Variants in COL1A1 observed in about 807,000 individuals in gnomAD.
COL1A1 encodes the protein collagen alpha-1(I) chain.
COL1A1 carries 21 observed loss-of-function variants against 195.7 expected under a neutral mutation model. The observed-to-expected ratio is 0.11, with a 90% CI of 0.08 to 0.15. The LOEUF (loss-of-function observed/expected upper bound fraction) is 0.15. Ranked by LOEUF, COL1A1 falls within the 10% of genes least tolerant of loss-of-function variation. The pLI is 1.00. For synonymous variants in COL1A1, 749 were observed against 747.3 expected (o/e 1.00, Z -0.04); for missense variants, 1,365 against 2,051.0 (o/e 0.67, Z 6.46).
chr17:50,197,136 C>A, intron 10 of COL1A1, 44 bp downstream of exon 10: 1 of 1,613,944 alleles, frequency 6.2e-7, no homozygotes, highest in Non-Finnish European at 8.5e-7. Context: ...TAAATGAAGC[C>A]CAAGTGCAGT....
Position 50,185,560 on chromosome 17 carries a change from TCC to T in COL1A1, c.4335_4336del (p.Asp1446ArgfsTer104), listed in dbSNP as rs1906423537. The T allele has an allele frequency of 6.2e-7, 1 of 1,613,340 alleles. No homozygotes were observed. The highest frequency in any genetic ancestry group is 1.7e-5 in the Admixed American group (1 of 59,926). ...GAATTCCTGGTCTGGGGCACCAACG[TCC>T]AAGGGGGCCACATCGATGATGGGCA... On this transcript the variant is annotated frameshift_variant, in exon 51 of 51. Transcript: ENST00000225964. LOFTEE classifies it high-confidence loss of function.
At position 50,190,719 on chromosome 17, in the gene COL1A1, G is replaced by A; in HGVS notation, c.2343+98C>T. 6.8e-7 allele frequency: 1 copy of A among 1,478,242 alleles called. No homozygotes were observed. Among genetic ancestry groups the A allele is most frequent in the Non-Finnish European group, 9.4e-7 (1 of 1,061,738 alleles). 91.6% of individuals were successfully genotyped at this position (1,478,242 alleles called of 1,614,324 possible). A position where few individuals can be genotyped will look rare whatever the true frequency, so the allele number is the denominator to read the frequency against. ...GTTCCCAGGTTGACAGCTCAGTTTG[G>A]CAGGACCTGCTCTCCCAACGCAACC... On this transcript the variant is annotated intron_variant, in intron 33 of 50. Transcript: ENST00000225964. This position sits in a 1 kb window ranked among gnomAD's most constrained non-coding sequence, Gnocchi z 4.7.
Position 50,186,934 on chromosome 17 carries a change from G to C in COL1A1, c.3532-12C>G. The C allele has an allele frequency of 6.2e-7, 1 of 1,613,650 alleles. No homozygotes were observed. Reference sequence around the variant, plus strand: ...GGGCCGGGGGGACCCTGCACAGAGAGGGAAGAGAGTGGGGATTACCGGCAT... The same window carrying C: ...GGGCCGGGGGGACCCTGCACAGAGACGGAAGAGAGTGGGGATTACCGGCAT... On this transcript the variant is annotated splice_polypyrimidine_tract_variant and intron_variant, in intron 47 of 50. Transcript: ENST00000225964. This position sits in a 1 kb window ranked among gnomAD's most constrained non-coding sequence, Gnocchi z 5.3.
chr17:50,186,987 T>G lies in COL1A1; in HGVS notation c.3531+28A>C, dbSNP rs751162540. 5 of 1,611,046 alleles carry G rather than the reference T, an allele frequency of 3.1e-6. No homozygotes were observed. Among genetic ancestry groups the G allele is most frequent in the Non-Finnish European group, 4.2e-6 (5 of 1,177,916 alleles). Reference sequence around the variant, plus strand: ...AAGTGCTTTGGGGGCTGGAGGGCCATGAGCAGAGGGGATGAGGGGCTACAT... The same window carrying G: ...AAGTGCTTTGGGGGCTGGAGGGCCAGGAGCAGAGGGGATGAGGGGCTACAT... On this transcript the variant is annotated intron_variant, in intron 47 of 50. Coordinates refer to ENST00000225964, the MANE Select transcript of COL1A1 (RefSeq NM_000088.4). This position sits in a 1 kb window ranked among gnomAD's most constrained non-coding sequence, Gnocchi z 5.3.
intron 50 of COL1A1, 56 bp from the exon 51 acceptor site, chr17:50,185,704 G>A: frequency 1.2e-6 from 2 of 1,612,088 alleles, no homozygotes; most frequent in South Asian, 1.1e-5. Flanking sequence ...GTGATGGAGA[G>A]AGGGCACTAT....
chr17:50,199,231 C>G lies in COL1A1; in HGVS notation c.466G>C (p.Gly156Arg), dbSNP rs781774588. 1 of 1,461,868 alleles carries G rather than the reference C, an allele frequency of 6.8e-7. No homozygotes were observed. The highest frequency in any genetic ancestry group is 9.1e-7 in the Non-Finnish European group (1 of 1,103,700). 90.6% of individuals were successfully genotyped at this position (1,461,868 alleles called of 1,614,324 possible). The change falls in exon 5 of 51, where the codon GGA becomes CGA. Residue 156 changes from glycine (G) to arginine (R), a missense_variant. Physicochemically the swap from Gly to Arg is moderately radical, Grantham distance 125. Coordinates refer to ENST00000225964, the MANE Select transcript of COL1A1 (RefSeq NM_000088.4). ...PPGPPGPPGL[G>R]GNFAPQLSYG... ...CACAAGGCCTCTCCACTTACTCCTC[C>G]GAGGCCAGGGGGTCCGGGAGGTCCG... is the stretch of plus-strand genomic sequence containing the variant.
rs867732977 is a variant in COL1A1, at chr17:50,194,610, C to T, written c.1478G>A (p.Arg493His). ...PPGERGGPGS[R>H]GFPGADGVAG... ...AACACCATCTGCGCCAGGGAAACCA[C>T]GGCTACCAGGTCCACCCTGCAGGAG... The change falls in exon 22 of 51, where the codon CGT becomes CAT. Residue 493 changes from arginine to histidine, a missense_variant. Arg to His is a conservative substitution (Grantham distance 29). Transcript: ENST00000225964. The surrounding 1 kb of genome is among the most constrained non-coding windows in gnomAD (Gnocchi z 6.8). 18 of 1,568,366 alleles carry T rather than the reference C, an allele frequency of 1.1e-5. No homozygotes were observed. The highest frequency in any genetic ancestry group is 1.2e-5 in the Non-Finnish European group (14 of 1,156,456).
chr17:50,200,571 G>T (rs1489682039), intron 1 of COL1A1, among the ~76,000 whole-genome samples: 1 of 152,246 alleles, frequency 6.6e-6, no homozygotes, highest in African/African-American at 2.4e-5. Flanking sequence ...GCCAGCCAAT[G>T]CCTCCAGGTC....
rs758009605 is a variant in COL1A1, at chr17:50,186,830, C to T, written c.3624G>A (p.Lys1208=). 6.2e-7 allele frequency: 1 copy of T among 1,614,178 alleles called. No homozygotes were observed. Among genetic ancestry groups the T allele is most frequent in the Non-Finnish European group, 8.5e-7 (1 of 1,180,036 alleles). The stretch of plus-strand genomic sequence containing the variant: ...GGTAGTAGCGGCCACCATCGTGAGC[C>T]TTCTCTTGAGGTGGCTGGGGCAGGA... The part of the protein sequence containing the change: ...FSFLPQPPQE[K]AHDGGRYYRA... Residue 1208 remains lysine, a synonymous_variant, in exon 48 of 51, where the codon AAG becomes AAA. Coordinates refer to ENST00000225964, the MANE Select transcript of COL1A1 (RefSeq NM_000088.4). This position sits in a 1 kb window ranked among gnomAD's most constrained non-coding sequence, Gnocchi z 5.3.
Position 50,191,692 on chromosome 17 carries a change from C to T in COL1A1, c.2127+96G>A, listed in dbSNP as rs1027141691. ...TTTCCCCCCACCCCACACCCTATCTCCATGGCTTTGGTCATGGCCCGCCAT... is the reference window on the plus strand; with the variant it reads ...TTTCCCCCCACCCCACACCCTATCTTCATGGCTTTGGTCATGGCCCGCCAT... On this transcript the variant is annotated intron_variant, in intron 31 of 50. Transcript: ENST00000225964. The T allele has an allele frequency of 1.1e-5, 16 of 1,395,432 alleles. No homozygotes were observed. The South Asian group carries it at 2.0e-4, about 17-fold the overall frequency. 86.4% of individuals were successfully genotyped at this position (1,395,432 alleles called of 1,614,324 possible). A position where few individuals can be genotyped will look rare whatever the true frequency, so the allele number is the denominator to read the frequency against.
rs1190556751 is a variant in COL1A1, at chr17:50,186,942, A to G, written c.3532-20T>C. ...GGGACCCTGCACAGAGAGGGAAGAG[A>G]GTGGGGATTACCGGCATCCAAGTGC... On this transcript the variant is annotated intron_variant, in intron 47 of 50. Transcript: ENST00000225964. The surrounding 1 kb of genome is among the most constrained non-coding windows in gnomAD (Gnocchi z 5.3). 2 of 1,612,992 alleles carry G rather than the reference A, an allele frequency of 1.2e-6. No homozygotes were observed. The highest frequency in any genetic ancestry group is 1.7e-6 in the Non-Finnish European group (2 of 1,179,576).
rs1286332433 is a variant in COL1A1, at chr17:50,186,244, A to T, written c.4005+73T>A. 6.3e-7 allele frequency: 1 copy of T among 1,593,772 alleles called. No individual in the cohort carries two copies. The highest frequency in any genetic ancestry group is 8.6e-7 in the Non-Finnish European group (1 of 1,166,816). On this transcript the variant is annotated intron_variant, in intron 49 of 50. Transcript: ENST00000225964. The surrounding 1 kb of genome is among the most constrained non-coding windows in gnomAD (Gnocchi z 5.3). ...ATCACCCTTAGCAGAGACCTACTCC[A>T]GGACTTCATGTCCCTTCTGAGCACT...
At position 50,184,419 on chromosome 17, in the gene COL1A1, A is replaced by T. The variant is rs373689267; in HGVS notation, c.*1083T>A. 46 of 225,272 alleles carry T rather than the reference A, an allele frequency of 2.0e-4. No homozygotes were observed. The highest frequency in any genetic ancestry group is 9.7e-4 in the African/African-American group (42 of 43,502). 14.0% of individuals were successfully genotyped at this position (225,272 alleles called of 1,614,324 possible). ...GCAGCGGGCTGGGCTGGAGCCGCAC[A>T]CGCTCTCCTCCCATGTTAAATAGCA... On this transcript the variant is annotated 3_prime_UTR_variant, in exon 51 of 51. Coordinates refer to ENST00000225964, the MANE Select transcript of COL1A1 (RefSeq NM_000088.4).
Position 50,198,478 on chromosome 17 carries a change from G to A in COL1A1, c.498C>T (p.Gly166=), listed in dbSNP as rs1259714131. 2 of 1,613,320 alleles carry A rather than the reference G, an allele frequency of 1.2e-6. No individual in the cohort carries two copies. Among genetic ancestry groups the A allele is most frequent in the African/African-American group, 2.7e-5 (2 of 74,896 alleles). ...GGNFAPQLSY[G]YDEKSTGGIS... ...TTCCTCCGGTTGATTTCTCATCATA[G>A]CCATAAGACAGCTGGGGAGCAAAGT... Residue 166 remains glycine (G), a synonymous_variant, in exon 6 of 51, where the codon GGC becomes GGT. Coordinates refer to ENST00000225964, the MANE Select transcript of COL1A1 (RefSeq NM_000088.4).
intron 3 of COL1A1, 40 bp downstream of exon 3, chr17:50,199,516 A>G (rs1655637663): frequency 6.2e-7 from 1 of 1,614,220 alleles, no homozygotes; most frequent in African/African-American, 1.3e-5. Flanking sequence ...GTGAGGAGTC[A>G]CGGGCCGCGC....
rs747214558 is a variant in COL1A1 at position 50,194,698 on chromosome 17, AG to A, written c.1461+22del. On this transcript the variant is annotated intron_variant, in intron 21 of 50. Coordinates refer to ENST00000225964, the MANE Select transcript of COL1A1 (RefSeq NM_000088.4). This position sits in a 1 kb window ranked among gnomAD's most constrained non-coding sequence, Gnocchi z 6.8. ...AGCCAGGCAATGAGGGTGGAGCGGG[AG>A]GGGGCGGGCAGGGACACTTACACGC... The A allele has an allele frequency of 1.3e-6, 2 of 1,550,334 alleles. No homozygotes were observed. The highest frequency in any genetic ancestry group is 1.9e-5 in the Admixed American group (1 of 51,988).
In COL1A1 at chr17:50,189,403, C is replaced by A; in HGVS notation, c.2803G>T (p.Gly935Ter). 1 of 1,613,968 alleles carries A rather than the reference C, an allele frequency of 6.2e-7. No homozygotes were observed. The highest frequency in any genetic ancestry group is 8.5e-7 in the Non-Finnish European group (1 of 1,180,010). ...GCAGGACCATCAGCACCAGGGGATCCTTTCTCGCCAGCAGGGCCAGGGGGA... is the reference window on the plus strand; with the variant it reads ...GCAGGACCATCAGCACCAGGGGATCATTTCTCGCCAGCAGGGCCAGGGGGA... ...PGPPGPAGEK[G>*]SPGADGPAGA... The change falls in exon 39 of 51, where the codon GGA becomes TGA. Residue 935 changes from glycine (G) to a stop codon, truncating the protein, a stop_gained. Coordinates refer to ENST00000225964, the MANE Select transcript of COL1A1 (RefSeq NM_000088.4). LOFTEE classifies it high-confidence loss of function. The surrounding 1 kb of genome is among the most constrained non-coding windows in gnomAD (Gnocchi z 5.5).
At position 50,185,409 on chromosome 17, in the gene COL1A1, T is replaced by C. The variant is rs367971695; in HGVS notation, c.*93A>G. The C allele has an allele frequency of 6.3e-5, 93 of 1,485,418 alleles. 1 individual carries two copies. Among genetic ancestry groups the C allele is most frequent in the East Asian group, 5.5e-4 (24 of 43,972 alleles). 92.0% of individuals were successfully genotyped at this position (1,485,418 alleles called of 1,614,324 possible). A position where few individuals can be genotyped will look rare whatever the true frequency, so the allele number is the denominator to read the frequency against. On this transcript the variant is annotated 3_prime_UTR_variant, in exon 51 of 51. Transcript: ENST00000225964. The stretch of plus-strand genomic sequence containing the variant: ...GTGAAATTGTCTCCCATTTTTTGGC[T>C]TTTGAGGGGGTTCAGTTTGGGTTGC...
At position 50,192,446 on chromosome 17, in the gene COL1A1, C is replaced by A. The variant is rs753973379; in HGVS notation, c.1983+29G>T. The A allele has an allele frequency of 4.4e-6, 7 of 1,580,224 alleles. 1 individual carries two copies. The South Asian group carries it at 8.0e-5, about 18-fold the overall frequency. On this transcript the variant is annotated intron_variant, in intron 29 of 50. Transcript: ENST00000225964. ...GTCCCTCTGGATTCCCTGCATCTCC[C>A]ACCCCTCTGGCCGGCTGCTCCCTCT... is the stretch of plus-strand genomic sequence containing the variant.
Sources: allele counts gnomAD v4.1 joint callset (sites outside exome capture counted in the v4.1 genomes callset), GRCh38; gene constraint gnomAD v4.1.1; non-coding constraint Gnocchi (gnomAD v3.1); transcripts MANE v1.5; gene names NCBI Gene and HGNC (gene_info 2026-07-23, HGNC 2026-07-21).